Variants in MGRN1 observed in about 807,000 individuals in gnomAD.
MGRN1 encodes the protein mahogunin ring finger 1.
MGRN1 carries 29 observed loss-of-function variants against 69.2 expected under a neutral mutation model. That is an observed-to-expected ratio of 0.42 (90% confidence interval 0.31 to 0.57). The LOEUF (loss-of-function observed/expected upper bound fraction) is 0.57. Among genes scored for constraint, MGRN1 ranks in the 20% least tolerant of loss-of-function variants. The pLI is 0.15. For synonymous variants in MGRN1, 470 were observed against 344.2 expected (o/e 1.37, Z -4.04); for missense variants, 998 against 796.2 (o/e 1.25, Z -3.05).
chr16:4,686,348 C>G (rs1225095791), intron 16 of MGRN1: 11 of 1,537,032 alleles, frequency 7.2e-6, no homozygotes, highest in South Asian at 2.4e-5. Flanking sequence ...GACGCGCGTC[C>G]TTGGAGAGAG....
At chr16:4,681,171 T>C (rs911217031) in intron 12 of MGRN1, among the ~76,000 whole-genome samples, 1 of 152,184 alleles carries the variant, frequency 6.6e-6, no homozygotes, top group Non-Finnish European at 1.5e-5. Context: ...ACCGTGTCTC[T>C]CGCCTCTGGC....
At chr16:4,680,162 T>A in intron 12 of MGRN1, 65 bp downstream of exon 12, 1 of 1,499,218 alleles carries the variant, frequency 6.7e-7, no homozygotes, top group Non-Finnish European at 9.2e-7. Context: ...CCACGACAAG[T>A]AGGGGAGATC....
At chr16:4,663,365 GTTTTTTTTTT>G (rs1183914569) in intron 5 of MGRN1, among the ~76,000 whole-genome samples, 3 of 61,804 alleles carry the variant, frequency 4.9e-5, no homozygotes, top group Non-Finnish European at 6.0e-5. Context: ...ACCTGGCCTT[GTTTTTTTTTT>G]TTTTTTTTTT....
intron 5 of MGRN1, among the ~76,000 whole-genome samples, chr16:4,657,983 C>A (rs1240787399): frequency 2.0e-5 from 3 of 151,164 alleles, no homozygotes; most frequent in African/African-American, 7.3e-5. Flanking sequence ...ACCTTGTGAT[C>A]CGCCGGCCTC....
rs975682805 is a variant in MGRN1, at chr16:4,682,991, C to T, written c.1482+45C>T. On this transcript the variant is annotated intron_variant, in intron 14 of 16. Transcript: ENST00000262370. ...GCTTTGCGCACCCGCCCGGGCCAGC[C>T]CTCCTCCAGCTTCTGTCGCTGGAAT... 13 of 1,501,182 alleles carry T rather than the reference C, an allele frequency of 8.7e-6. No homozygotes were observed. The Middle Eastern group carries it at 6.7e-4, about 78-fold the overall frequency. The allele number at this position is 1,501,182 out of a possible 1,614,324, so 93.0% of individuals were successfully genotyped here.
intron 12 of MGRN1, chr16:4,680,611 G>T (rs566313429): frequency 6.3e-6 from 1 of 158,994 alleles, no homozygotes; most frequent in Admixed American, 6.4e-5. Flanking sequence ...GAAACCCTGT[G>T]TGCGTTGGTG....
intron 1 of MGRN1, among the ~76,000 whole-genome samples, chr16:4,630,340 G>T (rs1432296398): frequency 1.4e-4 from 20 of 146,210 alleles, no homozygotes; most frequent in Non-Finnish European, 2.1e-4. Context: ...GAGCGACAGA[G>T]TGAGACGCCG....
chr16:4,639,648 C>G (rs534644715), intron 1 of MGRN1: 6 of 152,258 alleles, frequency 3.9e-5, no homozygotes, highest in East Asian at 3.9e-4. Flanking sequence ...CCTGTGGATC[C>G]ACACATGGTC....
At chr16:4,683,130 G>T in intron 14 of MGRN1, 94 bp from the exon 15 acceptor site, 1 of 1,553,302 alleles carries the variant, frequency 6.4e-7, no homozygotes. Context: ...GAGCGGCTGT[G>T]CGGTCCCGGG....
intron 4 of MGRN1, among the ~76,000 whole-genome samples, chr16:4,655,042 G>A (rs963813800): frequency 2.0e-5 from 3 of 152,214 alleles, no homozygotes; most frequent in Admixed American, 6.5e-5. Context: ...CATTTGGAGT[G>A]ACCAGGGCAG....
intron 9 of MGRN1, chr16:4,672,541 A>AG (rs1369472045): frequency 4.5e-6 from 2 of 443,136 alleles, no homozygotes; most frequent in African/African-American, 4.0e-5. Flanking sequence ...GTTTCATACC[A>AG]GGGGGCGGCC....
intron 5 of MGRN1, among the ~76,000 whole-genome samples, chr16:4,662,533 A>G (rs1253190829): frequency 2.0e-5 from 3 of 151,888 alleles, no homozygotes; most frequent in African/African-American, 7.3e-5. Flanking sequence ...AAAAAAAATC[A>G]TAATAGTAAT....
chr16:4,638,011 C>G (rs995630200), intron 1 of MGRN1, among the ~76,000 whole-genome samples: 1 of 152,252 alleles, frequency 6.6e-6, no homozygotes, highest in South Asian at 2.1e-4. Flanking sequence ...CACTGGAAGC[C>G]AGAGCCCTGT....
At chr16:4,683,695 G>T (rs550190052) in intron 15 of MGRN1, 148 bp from the exon 16 acceptor site, 2 of 630,852 alleles carry the variant, frequency 3.2e-6, no homozygotes, top group African/African-American at 3.7e-5. Flanking sequence ...AGCAGGTGGG[G>T]TCACGGTGGA....
chr16:4,668,702 A>G (rs549867095), intron 8 of MGRN1, among the ~76,000 whole-genome samples: 189 of 151,270 alleles, frequency 1.2e-3, no homozygotes, highest in African/African-American at 4.3e-3. Context: ...ACATACACAC[A>G]TACACTCACA....
At chr16:4,664,129 G>A (rs2078746349) in intron 5 of MGRN1, 1 of 158,834 alleles carries the variant, frequency 6.3e-6, no homozygotes, top group Non-Finnish European at 1.4e-5. Context: ...GGCCCAGCCC[G>A]GTGTCCGTCG....
intron 1 of MGRN1, among the ~76,000 whole-genome samples, chr16:4,641,084 C>G (rs2078145993): frequency 6.6e-6 from 1 of 152,262 alleles, no homozygotes; most frequent in African/African-American, 2.4e-5. Flanking sequence ...TTCCCACTCA[C>G]AGTCTCCTTT....
intron 16 of MGRN1, chr16:4,687,106 A>G (rs1262929815): frequency 9.1e-6 from 9 of 985,282 alleles, no homozygotes; most frequent in African/African-American, 3.5e-5. Flanking sequence ...CCTTTGTGCC[A>G]TGAGCCCACT....
intron 1 of MGRN1, among the ~76,000 whole-genome samples, chr16:4,626,099 G>A (rs1897665553): frequency 6.6e-6 from 1 of 152,190 alleles, no homozygotes; most frequent in Non-Finnish European, 1.5e-5. Context: ...TGAGTTTTAC[G>A]TCCACTCAGG....
Sources: allele counts gnomAD v4.1 joint callset (sites outside exome capture counted in the v4.1 genomes callset), GRCh38; gene constraint gnomAD v4.1.1; transcripts MANE v1.5; gene names NCBI Gene and HGNC (gene_info 2026-07-23, HGNC 2026-07-21).